Variants in CHST3 observed in about 807,000 individuals in gnomAD.
CHST3 encodes the protein C6ST-1.
In CHST3, 20 loss-of-function variants were observed where a neutral mutation model predicts 35.4. The observed-to-expected ratio is 0.57, with a 90% CI of 0.40 to 0.82. The LOEUF is 0.82. CHST3 is among the 40% of genes least tolerant of loss of function. CHST3 has a pLI of 0.00. For synonymous variants in CHST3, 334 were observed against 295.9 expected (o/e 1.13, Z -1.32); for missense variants, 693 against 670.1 (o/e 1.03, Z -0.38).
chr10:71,970,411 T>C (rs1334855516), intron 1 of CHST3, among the ~76,000 whole-genome samples: 1 of 152,216 alleles, frequency 6.6e-6, no homozygotes, highest in Non-Finnish European at 1.5e-5. Context: ...CAGCCTCTCC[T>C]GAATGCCGCA....
intron 1 of CHST3, among the ~76,000 whole-genome samples, chr10:71,990,840 T>G (rs1839890818): frequency 6.6e-6 from 1 of 152,246 alleles, no homozygotes; most frequent in South Asian, 2.1e-4. Flanking sequence ...TTGTGATGGT[T>G]TGGCCAAATC....
chr10:71,970,652 C>T (rs946123570), intron 1 of CHST3, among the ~76,000 whole-genome samples: 2 of 152,198 alleles, frequency 1.3e-5, no homozygotes, highest in Non-Finnish European at 2.9e-5. Flanking sequence ...GCCCTGCTCC[C>T]TCTGAGTCAG....
intron 2 of CHST3, among the ~76,000 whole-genome samples, 162 bp downstream of exon 2, chr10:72,006,144 C>T (rs576006996): frequency 1.1e-4 from 16 of 152,198 alleles, no homozygotes; most frequent in Non-Finnish European, 2.4e-4. Context: ...CACACGTCCT[C>T]ATGACTGCAC....
intron 2 of CHST3, among the ~76,000 whole-genome samples, chr10:72,006,193 T>G (rs568411899): frequency 6.6e-6 from 1 of 152,266 alleles, no homozygotes; most frequent in South Asian, 2.1e-4. Context: ...ACAGCCTGGG[T>G]TGGAGCCCCC....
intron 1 of CHST3, among the ~76,000 whole-genome samples, chr10:71,969,178 G>A (rs531015718): frequency 1.1e-4 from 17 of 152,150 alleles, no homozygotes; most frequent in Non-Finnish European, 2.5e-4. Flanking sequence ...GCCAGGGGAG[G>A]TGATAACCAC....
intron 1 of CHST3, among the ~76,000 whole-genome samples, chr10:71,981,704 A>G (rs966980287): frequency 3.9e-5 from 6 of 152,188 alleles, no homozygotes; most frequent in African/African-American, 1.4e-4. Context: ...TGTCCAATTC[A>G]ACAGTCAGTT....
chr10:71,982,623 C>T (rs963954799), intron 1 of CHST3, among the ~76,000 whole-genome samples: 11 of 152,024 alleles, frequency 7.2e-5, no homozygotes, highest in Admixed American at 2.0e-4. Flanking sequence ...TGTGGTTGCA[C>T]GCATCTGCCC....
chr10:71,982,624 G>A (rs375572315), intron 1 of CHST3, among the ~76,000 whole-genome samples: 11 of 152,140 alleles, frequency 7.2e-5, no homozygotes, highest in East Asian at 3.9e-4. Flanking sequence ...GTGGTTGCAC[G>A]CATCTGCCCC....
intron 1 of CHST3, among the ~76,000 whole-genome samples, chr10:71,979,550 G>A (rs984313854): frequency 9.9e-5 from 15 of 151,926 alleles, no homozygotes; most frequent in African/African-American, 3.4e-4. Context: ...ATGGGGGAGG[G>A]GTGGTGCTTT....
At position 71,972,908 on chromosome 10, in the gene CHST3, G is replaced by A. The variant is rs1463611770; in HGVS notation, c.-108+8214G>A. ...AGGTCCCCCTCACTGCCCTTTGCCT[G>A]TGGTATTATGATTGCTGGTTCAGTG... is the stretch of plus-strand genomic sequence containing the variant. On this transcript the variant is annotated intron_variant, in intron 1 of 2. Transcript: ENST00000373115. Among the ~76,000 whole-genome samples, 13 of 152,260 alleles carry A rather than the reference G, an allele frequency of 8.5e-5. 1 individual carries two copies. Among genetic ancestry groups the A allele is most frequent in the Non-Finnish European group, 1.3e-4 (9 of 68,028 alleles).
intron 1 of CHST3, among the ~76,000 whole-genome samples, chr10:71,981,933 A>T (rs1169235934): frequency 6.6e-6 from 1 of 152,210 alleles, no homozygotes; most frequent in Non-Finnish European, 1.5e-5. Context: ...TCTCAGAGTG[A>T]TTCTCATGCC....
rs559723580 is a variant in CHST3, at chr10:72,012,209, A to T, written c.*3738A>T. 6.6e-6 allele frequency: 1 copy of T among 152,250 alleles called. No homozygotes were observed. The highest frequency in any genetic ancestry group is 2.4e-5 in the African/African-American group (1 of 41,522). 9.4% of individuals were successfully genotyped at this position (152,250 alleles called of 1,614,324 possible). A position where few individuals can be genotyped will look rare whatever the true frequency, so the allele number is the denominator to read the frequency against. On this transcript the variant is annotated 3_prime_UTR_variant, in exon 3 of 3. Transcript: ENST00000373115. ...GCATCACACGACATCTTTCCCTCCCATCTCTGCCATCTGTCTGTCTGGCAA... is the reference window on the plus strand; with the variant it reads ...GCATCACACGACATCTTTCCCTCCCTTCTCTGCCATCTGTCTGTCTGGCAA...
At chr10:72,003,387 G>C (rs1230160841) in intron 1 of CHST3, among the ~76,000 whole-genome samples, 1 of 152,122 alleles carries the variant, frequency 6.6e-6, no homozygotes, top group Non-Finnish European at 1.5e-5. Context: ...GGAAGAGGCA[G>C]GACTATTCCA....
Position 72,007,152 on chromosome 10 carries a change from G to T in CHST3, c.141-20G>T. ...GGGTCCCCAGTCAGCCACTGACCCTGATCTTCTTTGTCCTCACAGGGTCTC... is the reference window on the plus strand; with the variant it reads ...GGGTCCCCAGTCAGCCACTGACCCTTATCTTCTTTGTCCTCACAGGGTCTC... On this transcript the variant is annotated intron_variant, in intron 2 of 2. Coordinates refer to ENST00000373115, the MANE Select transcript of CHST3 (RefSeq NM_004273.5). The T allele has an allele frequency of 6.2e-7, 1 of 1,613,234 alleles. No homozygotes were observed. The highest frequency in any genetic ancestry group is 1.1e-5 in the South Asian group (1 of 90,828).
intron 1 of CHST3, among the ~76,000 whole-genome samples, chr10:72,005,272 G>C (rs1840026954): frequency 6.7e-6 from 1 of 149,826 alleles, no homozygotes; most frequent in African/African-American, 2.4e-5. Context: ...ATAAGCACAG[G>C]GTCTGCACCT....
intron 1 of CHST3, among the ~76,000 whole-genome samples, chr10:71,999,779 C>G (rs966695994): frequency 6.6e-6 from 1 of 152,342 alleles, no homozygotes; most frequent in African/African-American, 2.4e-5. Flanking sequence ...TGCCAAGTCA[C>G]GAGGGAGGCC....
In CHST3 at chr10:72,007,735, C is replaced by T. The variant is rs759796765; in HGVS notation, c.704C>T (p.Thr235Met). 2.4e-5 allele frequency: 38 copies of T among 1,603,358 alleles called. No homozygotes were observed. The highest frequency in any genetic ancestry group is 3.0e-5 in the Non-Finnish European group (35 of 1,179,674). The change falls in exon 3 of 3, where the codon ACG becomes ATG. Residue 235 changes from threonine (T) to methionine (M), a missense_variant. Physicochemically the swap from Thr to Met is moderately conservative, Grantham distance 81 (BLOSUM62 -1). Transcript: ENST00000373115. Reference sequence around the variant, plus strand: ...TCCCTGTGCGAGGACCCCGTCTGTACGCCCTTCGTCAAGAAGGTCTTCGAG... The same window carrying T: ...TCCCTGTGCGAGGACCCCGTCTGTATGCCCTTCGTCAAGAAGGTCTTCGAG... ...SRSLCEDPVCTPFVKKVFEKY... is the reference protein window; with the variant it reads ...SRSLCEDPVCMPFVKKVFEKY...
intron 1 of CHST3, among the ~76,000 whole-genome samples, chr10:71,980,590 G>T (rs1839791335): frequency 6.6e-6 from 1 of 152,176 alleles, no homozygotes; most frequent in African/African-American, 2.4e-5. Context: ...AAAACAATCT[G>T]CTCCCCTCTC....
chr10:71,981,855 C>T (rs1019960109), intron 1 of CHST3, among the ~76,000 whole-genome samples: 3 of 152,256 alleles, frequency 2.0e-5, no homozygotes, highest in African/African-American at 7.2e-5. Context: ...TAAAAATTCC[C>T]AGGCACAGAT....
Sources: allele counts gnomAD v4.1 joint callset (sites outside exome capture counted in the v4.1 genomes callset), GRCh38; gene constraint gnomAD v4.1.1; transcripts MANE v1.5; gene names NCBI Gene and HGNC (gene_info 2026-07-23, HGNC 2026-07-21).